OXR1: variants seen among roughly 807,000 people sequenced by gnomAD.
OXR1 encodes the protein oxidation resistance protein 1.
OXR1 carries 41 observed loss-of-function variants against 104.6 expected under a neutral mutation model. The observed-to-expected ratio is 0.39, with a 90% CI of 0.31 to 0.51. The LOEUF (loss-of-function observed/expected upper bound fraction) is 0.51. OXR1 is among the 20% of genes least tolerant of loss of function. The pLI is 0.77. For missense variants in OXR1, 955 were observed against 1,031.9 expected, an observed-to-expected ratio of 0.93 and a Z score of 1.02; for synonymous variants, 348 against 348.4, an observed-to-expected ratio of 1.00 and a Z score of 0.01.
At chr8:106,513,631 GT>G (rs1474482469) in intron 2 of OXR1, among the ~76,000 whole-genome samples, 9 of 152,152 alleles carry the variant, frequency 5.9e-5, no homozygotes, top group African/African-American at 9.7e-5. Flanking sequence ...CAGGTTCAGT[GT>G]TTATCGAAAG....
At chr8:106,657,914 C>A in intron 3 of OXR1, 2 of 1,246,996 alleles carry the variant, frequency 1.6e-6, no homozygotes, top group Non-Finnish European at 1.0e-6. Context: ...CCGGTGGGCG[C>A]GCTAGTGGTG....
intron 3 of OXR1, among the ~76,000 whole-genome samples, chr8:106,558,117 G>A (rs1319707438): frequency 6.6e-6 from 1 of 152,120 alleles, no homozygotes; most frequent in African/African-American, 2.4e-5. Flanking sequence ...TACAGAGTGG[G>A]CGTAACAATC....
At chr8:106,367,642 C>T (rs1586572964) in intron 2 of OXR1, among the ~76,000 whole-genome samples, 1 of 151,810 alleles carries the variant, frequency 6.6e-6, no homozygotes, top group East Asian at 1.9e-4. Context: ...TCTCATGAAG[C>T]TTAGATTAAT....
intron 15 of OXR1, 37 bp downstream of exon 15, chr8:106,742,354 G>A: frequency 1.5e-6 from 2 of 1,306,844 alleles, no homozygotes; most frequent in East Asian, 2.3e-5. Flanking sequence ...TTTATAAAGA[G>A]TTGACATAAC....
At chr8:106,696,817 C>T (rs1236289996) in intron 7 of OXR1, among the ~76,000 whole-genome samples, 2 of 152,132 alleles carry the variant, frequency 1.3e-5, no homozygotes, top group Non-Finnish European at 2.9e-5. Context: ...CCTCCCTCTC[C>T]GTCCCCTCAC....
Position 106,652,527 on chromosome 8 carries a change from G to A in OXR1, c.221-26683G>A, listed in dbSNP as rs559671210. ...AACAACATACTCCTAAATAGCCAATGAGTCAAATAATAAGTCATAAGGAAA... is the reference window on the plus strand; with the variant it reads ...AACAACATACTCCTAAATAGCCAATAAGTCAAATAATAAGTCATAAGGAAA... On this transcript the variant is annotated intron_variant, in intron 3 of 16. Transcript: ENST00000517566. Among the ~76,000 whole-genome samples the A allele has an allele frequency of 1.5e-3, 226 of 152,042 alleles. 1 individual carries two copies. The highest frequency in any genetic ancestry group is 5.3e-3 in the African/African-American group (218 of 41,498).
chr8:106,535,031 C>T (rs1251307875), intron 3 of OXR1, among the ~76,000 whole-genome samples: 1 of 152,106 alleles, frequency 6.6e-6, no homozygotes, highest in Non-Finnish European at 1.5e-5. Context: ...GGCGCCTTCT[C>T]AGCTCACTGC....
At chr8:106,699,803 G>A (rs73294465) in intron 7 of OXR1, among the ~76,000 whole-genome samples, 1,621 of 152,152 alleles carry the variant, frequency 0.011, 31 homozygotes, top group African/African-American at 0.036. Flanking sequence ...CATGGAAGTC[G>A]TTTTTTCTTT....
At chr8:106,288,934 G>GA (rs1013313461) in intron 1 of OXR1, among the ~76,000 whole-genome samples, 2 of 151,832 alleles carry the variant, frequency 1.3e-5, no homozygotes, top group African/African-American at 2.4e-5. Context: ...CAAACATTGG[G>GA]AAAAAAGTGG....
chr8:106,374,433 A>G (rs995595623), intron 2 of OXR1, among the ~76,000 whole-genome samples: 1 of 152,246 alleles, frequency 6.6e-6, no homozygotes, highest in Non-Finnish European at 1.5e-5. Context: ...GTTCAATACC[A>G]TCTAACTTGC....
At chr8:106,347,570 A>G (rs1404187210) in intron 1 of OXR1, among the ~76,000 whole-genome samples, 1 of 152,160 alleles carries the variant, frequency 6.6e-6, no homozygotes, top group Non-Finnish European at 1.5e-5. Context: ...TAGGCAATAA[A>G]CTCTACTAGG....
chr8:106,358,690 A>C (rs1816093033), intron 1 of OXR1, among the ~76,000 whole-genome samples: 1 of 152,200 alleles, frequency 6.6e-6, no homozygotes, highest in Admixed American at 6.5e-5. Context: ...TTGATTCAAA[A>C]TCATAGGACA....
At chr8:106,380,653 C>T (rs1817105199) in intron 2 of OXR1, among the ~76,000 whole-genome samples, 1 of 152,158 alleles carries the variant, frequency 6.6e-6, no homozygotes, top group Non-Finnish European at 1.5e-5. Flanking sequence ...CTTTGGGTTA[C>T]AGTCATCCTA....
chr8:106,509,355 T>C (rs1309315413), intron 2 of OXR1, among the ~76,000 whole-genome samples: 1 of 152,230 alleles, frequency 6.6e-6, no homozygotes, highest in Non-Finnish European at 1.5e-5. Context: ...ATGCTTGTGA[T>C]ATAGTGACAT....
chr8:106,573,643 G>T (rs905633281), intron 3 of OXR1, among the ~76,000 whole-genome samples: 37 of 152,160 alleles, frequency 2.4e-4, no homozygotes, highest in African/African-American at 8.9e-4. Context: ...GTATTATATT[G>T]CTGTGACTTC....
intron 3 of OXR1, among the ~76,000 whole-genome samples, chr8:106,637,741 T>C (rs1284225364): frequency 6.6e-6 from 1 of 150,970 alleles, no homozygotes; most frequent in Non-Finnish European, 1.5e-5. Flanking sequence ...GAGTATACTC[T>C]AGACACTACA....
At chr8:106,514,200 G>A (rs568357622) in intron 2 of OXR1, among the ~76,000 whole-genome samples, 10 of 151,970 alleles carry the variant, frequency 6.6e-5, no homozygotes, top group African/African-American at 2.2e-4. Flanking sequence ...ACTTTATCTC[G>A]TGCACACCTA....
intron 1 of OXR1, among the ~76,000 whole-genome samples, chr8:106,340,190 G>A (rs1475552460): frequency 6.7e-6 from 1 of 149,524 alleles, no homozygotes. Context: ...TCAACTGATA[G>A]GATGTGATTG....
chr8:106,406,218 T>A (rs765519334), intron 2 of OXR1, among the ~76,000 whole-genome samples: 1 of 152,202 alleles, frequency 6.6e-6, no homozygotes, highest in African/African-American at 2.4e-5. Flanking sequence ...CCAAAATGGC[T>A]GTTACTTCTG....
Sources: gnomAD v4.1 joint callset for allele counts (sites outside exome capture counted in the v4.1 genomes callset) on GRCh38, gnomAD v4.1.1 for gene constraint, MANE v1.5 for transcripts, NCBI Gene and HGNC (gene_info 2026-07-23, HGNC 2026-07-21) for gene names.